ADAMTS18: variants seen among roughly 807,000 people sequenced by gnomAD.
The protein encoded by ADAMTS18 is A disintegrin and metalloproteinase with thrombospondin motifs 18.
A neutral mutation model predicts 165.9 loss-of-function variants in ADAMTS18; 157 were observed. That is an observed-to-expected ratio of 0.95 (90% CI 0.83 to 1.08). The LOEUF is 1.08. Ranked by LOEUF, ADAMTS18 falls within the 50% of genes least tolerant of loss-of-function variation. The pLI is 0.00. For synonymous variants in ADAMTS18, 782 were observed against 578.2 expected, an observed-to-expected ratio of 1.35 and a Z score of -5.06; for missense variants, 2,040 against 1,534.0, an observed-to-expected ratio of 1.33 and a Z score of -5.51.
intron 3 of ADAMTS18, among the ~76,000 whole-genome samples, chr16:77,401,516 G>A (rs563159483): frequency 6.6e-6 from 1 of 152,340 alleles, no homozygotes; most frequent in Admixed American, 6.5e-5. Flanking sequence ...GCCAGGTTTG[G>A]AATTCTGGCT....
intron 4 of ADAMTS18, 31 bp downstream of exon 4, chr16:77,367,410 G>C (rs1231794510): frequency 1.9e-6 from 3 of 1,613,366 alleles, no homozygotes; most frequent in Admixed American, 1.7e-5. Flanking sequence ...GCCCACATAA[G>C]AACAGAAAAA....
At chr16:77,368,384 T>C (rs964741674) in intron 3 of ADAMTS18, among the ~76,000 whole-genome samples, 15 of 151,946 alleles carry the variant, frequency 9.9e-5, no homozygotes, top group African/African-American at 2.4e-4. Context: ...GTGATGAATA[T>C]AAAAATACCC....
intron 3 of ADAMTS18, among the ~76,000 whole-genome samples, chr16:77,408,088 A>G (rs1025943909): frequency 9.2e-5 from 14 of 152,172 alleles, no homozygotes; most frequent in Non-Finnish European, 1.9e-4. Flanking sequence ...GAGGATATCT[A>G]AATGTCCAGT....
At chr16:77,329,577 T>C (rs950800067) in intron 12 of ADAMTS18, among the ~76,000 whole-genome samples, 11 of 152,172 alleles carry the variant, frequency 7.2e-5, no homozygotes, top group Non-Finnish European at 1.3e-4. Flanking sequence ...TTATAACTAT[T>C]TTTAAATGCC....
Position 77,289,002 on chromosome 16 carries a change from A to C in ADAMTS18, c.3550+262T>G, listed in dbSNP as rs565519165. On this transcript the variant is annotated intron_variant, in intron 22 of 22. Coordinates refer to ENST00000282849, the MANE Select transcript of ADAMTS18 (RefSeq NM_199355.4). The stretch of plus-strand genomic sequence containing the variant: ...CAGGAGGCTGAGGCAGGAGAATGGC[A>C]TGAACCCGGGAGGCAGAGGTTACAG... Among the ~76,000 whole-genome samples the C allele has an allele frequency of 2.6e-5, 4 of 152,228 alleles. No individual in the cohort carries two copies. The East Asian group carries it at 7.8e-4, about 30-fold the overall frequency.
intron 3 of ADAMTS18, among the ~76,000 whole-genome samples, chr16:77,410,497 G>C (rs57862866): frequency 0.02 from 3,012 of 152,196 alleles, 110 homozygotes; most frequent in African/African-American, 0.069. Flanking sequence ...AAGGCCTATG[G>C]AGGTACACTA....
At chr16:77,388,816 C>G (rs1026832441) in intron 3 of ADAMTS18, among the ~76,000 whole-genome samples, 3 of 152,116 alleles carry the variant, frequency 2.0e-5, no homozygotes, top group Non-Finnish European at 4.4e-5. Flanking sequence ...GTTTTTTAAT[C>G]CCCAGATTCC....
intron 12 of ADAMTS18, among the ~76,000 whole-genome samples, chr16:77,334,003 A>T (rs1189722904): frequency 1.2e-3 from 166 of 139,382 alleles, no homozygotes; most frequent in African/African-American, 4.3e-3. Context: ...TATACAGTGC[A>T]ATATATGCTA....
intron 10 of ADAMTS18, among the ~76,000 whole-genome samples, chr16:77,348,459 T>A (rs1377180914): frequency 6.6e-6 from 1 of 152,136 alleles, no homozygotes; most frequent in East Asian, 1.9e-4. Flanking sequence ...GAAGTGTGCA[T>A]CCTGCAGACA....
chr16:77,362,448 C>A (rs1305625736), intron 6 of ADAMTS18, among the ~76,000 whole-genome samples, 184 bp from the exon 7 acceptor site: 3 of 152,182 alleles, frequency 2.0e-5, no homozygotes, highest in Non-Finnish European at 1.5e-5. Flanking sequence ...TTTAAAGCAA[C>A]TACAAAGTTT....
chr16:77,332,078 G>T (rs74027613), intron 12 of ADAMTS18, among the ~76,000 whole-genome samples: 1 of 151,998 alleles, frequency 6.6e-6, no homozygotes, highest in Admixed American at 6.6e-5. Context: ...AGGTACTATC[G>T]TTATCCCGTT....
intron 3 of ADAMTS18, among the ~76,000 whole-genome samples, chr16:77,369,061 T>G (rs1427297497): frequency 6.6e-6 from 1 of 152,206 alleles, no homozygotes; most frequent in Non-Finnish European, 1.5e-5. Flanking sequence ...ATCTGCAGAC[T>G]AGTAGCTTCA....
At chr16:77,304,963 T>G (rs1176752323) in intron 16 of ADAMTS18, among the ~76,000 whole-genome samples, 1 of 152,234 alleles carries the variant, frequency 6.6e-6, no homozygotes. Flanking sequence ...CTTTAATGTA[T>G]GTGTAGCTAT....
chr16:77,359,403 T>C lies in ADAMTS18; in HGVS notation c.1237A>G (p.Met413Val), dbSNP rs2056678257. 6.2e-7 allele frequency: 1 copy of C among 1,613,846 alleles called. No individual in the cohort carries two copies. Residue 413 changes from methionine to valine, a missense_variant, in exon 8 of 23, where the codon ATG becomes GTG. By Grantham distance (21) the Met-to-Val change is conservative (BLOSUM62 1). Coordinates refer to ENST00000282849, the MANE Select transcript of ADAMTS18 (RefSeq NM_199355.4). Reference sequence around the variant, plus strand: ...GTACAACTTCGGTACTTAGAGCACATTCCACTGATGGGGGCAAACCCTATT... The same window carrying C: ...GTACAACTTCGGTACTTAGAGCACACTCCACTGATGGGGGCAAACCCTATT... ...DTLGFAPISG[M>V]CSKYRSCTIN...
In ADAMTS18 at chr16:77,324,337, A is replaced by G. The variant is rs139678473; in HGVS notation, c.2032+1529T>C. The stretch of plus-strand genomic sequence containing the variant: ...TGTGCAGCATGCTTCCTACGAAATC[A>G]CTCAGCTCCTGGTAGAATGCCTCTA... On this transcript the variant is annotated intron_variant, in intron 13 of 22. Transcript: ENST00000282849. 6.8e-3 allele frequency among the ~76,000 whole-genome samples: 1,038 copies of G among 152,294 alleles called. 3 individuals carry two copies. Among genetic ancestry groups the G allele is most frequent in the Middle Eastern group, 0.014 (4 of 294 alleles).
chr16:77,381,895 T>C (rs192397280), intron 3 of ADAMTS18, among the ~76,000 whole-genome samples: 1 of 152,292 alleles, frequency 6.6e-6, no homozygotes, highest in Admixed American at 6.5e-5. Context: ...GTGGAGACAC[T>C]GAGAAAGCTT....
At chr16:77,323,655 A>G (rs2056043581) in intron 13 of ADAMTS18, among the ~76,000 whole-genome samples, 1 of 152,056 alleles carries the variant, frequency 6.6e-6, no homozygotes. Context: ...CCTGTAGCAC[A>G]GAGATTGTCC....
chr16:77,308,946 A>T (rs1234941769), intron 16 of ADAMTS18, among the ~76,000 whole-genome samples: 1 of 152,216 alleles, frequency 6.6e-6, no homozygotes, highest in Non-Finnish European at 1.5e-5. Context: ...TCCCAAACCC[A>T]ATAAAATAAA....
intron 3 of ADAMTS18, among the ~76,000 whole-genome samples, chr16:77,380,874 T>C (rs1448556777): frequency 6.6e-6 from 1 of 152,130 alleles, no homozygotes; most frequent in Non-Finnish European, 1.5e-5. Flanking sequence ...TTTAATTTTA[T>C]ATTTTATTTT....
Sources: gnomAD v4.1 joint callset for allele counts (sites outside exome capture counted in the v4.1 genomes callset) on GRCh38, gnomAD v4.1.1 for gene constraint, MANE v1.5 for transcripts, NCBI Gene and HGNC (gene_info 2026-07-23, HGNC 2026-07-21) for gene names.